The following KALRN variants were observed in gnomAD, a reference collection of about 807,000 sequenced individuals.
KALRN encodes the protein kalirin RhoGEF kinase.
In KALRN, 70 loss-of-function variants were observed where a neutral mutation model predicts 353.7. That is an observed-to-expected ratio of 0.20 (90% CI 0.16 to 0.24). The LOEUF (loss-of-function observed/expected upper bound fraction) is 0.24, where lower values mean the gene tolerates loss of function less well. KALRN is among the 10% of genes least tolerant of loss of function. KALRN has a pLI of 1.00. For missense variants in KALRN, 2,791 were observed against 3,756.7 expected (o/e 0.74, Z 6.72); for synonymous variants, 1,391 against 1,434.8 (o/e 0.97, Z 0.69).
chr3:124,240,390 T>C (rs1430796364), intron 3 of KALRN, among the ~76,000 whole-genome samples: 2 of 152,154 alleles, frequency 1.3e-5, no homozygotes, highest in African/African-American at 4.8e-5. Context: ...TTTATAAGGC[T>C]GTGGGCAGAG....
intron 1 of KALRN, among the ~76,000 whole-genome samples, chr3:124,101,730 C>A (rs1418772390): frequency 6.6e-6 from 1 of 152,130 alleles, no homozygotes; most frequent in African/African-American, 2.4e-5. Flanking sequence ...CTGACAGATA[C>A]CCTGTCTTTG....
At chr3:124,039,460 C>A (rs2039739235) in intron 1 of KALRN, among the ~76,000 whole-genome samples, 1 of 152,088 alleles carries the variant, frequency 6.6e-6, no homozygotes, top group Non-Finnish European at 1.5e-5. Flanking sequence ...TGTGATTAAT[C>A]AAAAAACACC....
intron 1 of KALRN, among the ~76,000 whole-genome samples, chr3:124,176,024 G>T (rs1245715052): frequency 1.3e-4 from 19 of 151,940 alleles, no homozygotes; most frequent in Non-Finnish European, 2.9e-5. Flanking sequence ...AGACCCAGTA[G>T]CCCCCCTTTA....
rs1357156757 is a variant in KALRN, at chr3:124,724,646, A to G, written c.*5176A>G. ...ATTCTAAAGGGTTAAAAAGGGCTGA[A>G]ATTTGTTTATAGCACTAAATGTTTT... On this transcript the variant is annotated 3_prime_UTR_variant, in exon 60 of 60. Coordinates refer to ENST00000682506, the MANE Select transcript of KALRN (RefSeq NM_001388419.1). The G allele has an allele frequency of 6.6e-6, 1 of 152,228 alleles. No homozygotes were observed. Among genetic ancestry groups the G allele is most frequent in the African/African-American group, 2.4e-5 (1 of 41,456 alleles). 9.4% of individuals were successfully genotyped at this position (152,228 alleles called of 1,614,324 possible). A position where few individuals can be genotyped will look rare whatever the true frequency, so the allele number is the denominator to read the frequency against.
chr3:124,512,970 A>G (rs150247225), intron 33 of KALRN, among the ~76,000 whole-genome samples: 135 of 152,308 alleles, frequency 8.9e-4, no homozygotes, highest in African/African-American at 3.1e-3. Context: ...CACCCTCTGC[A>G]TGAACCAAGG....
At chr3:124,238,696 C>G (rs1158013) in intron 3 of KALRN, among the ~76,000 whole-genome samples, 14,207 of 152,014 alleles carry the variant, frequency 0.093, 1,574 homozygotes, top group East Asian at 0.46. Context: ...AAGAGAACTT[C>G]TTTTTAGTCC....
At chr3:124,242,180 A>G (rs2080541304) in intron 3 of KALRN, among the ~76,000 whole-genome samples, 1 of 152,230 alleles carries the variant, frequency 6.6e-6, no homozygotes, top group Non-Finnish European at 1.5e-5. Context: ...AGAGAAGGCT[A>G]GGCAATGGGG....
intron 1 of KALRN, among the ~76,000 whole-genome samples, chr3:124,227,155 A>C (rs1036897079): frequency 6.6e-6 from 1 of 152,184 alleles, no homozygotes; most frequent in Non-Finnish European, 1.5e-5. Flanking sequence ...CTGTTCCTCC[A>C]GGCACATCTT....
intron 1 of KALRN, among the ~76,000 whole-genome samples, chr3:124,093,623 G>C (rs1444918583): frequency 2.0e-5 from 3 of 152,206 alleles, no homozygotes; most frequent in African/African-American, 7.2e-5. Flanking sequence ...CATTGTATCA[G>C]GGACTCAGAT....
intron 17 of KALRN, among the ~76,000 whole-genome samples, chr3:124,435,203 C>A (rs948591824): frequency 6.6e-6 from 1 of 152,190 alleles, no homozygotes; most frequent in African/African-American, 2.4e-5. Flanking sequence ...AGTTGCTGAA[C>A]AATAATTAAA....
At chr3:124,620,044 T>C (rs1243169476) in intron 34 of KALRN, among the ~76,000 whole-genome samples, 3 of 152,180 alleles carry the variant, frequency 2.0e-5, no homozygotes, top group Admixed American at 1.3e-4. Context: ...TTCTTCAGTC[T>C]GAATTTGTAA....
intron 1 of KALRN, among the ~76,000 whole-genome samples, chr3:124,175,722 G>A (rs1185986767): frequency 6.6e-6 from 1 of 152,164 alleles, no homozygotes; most frequent in Non-Finnish European, 1.5e-5. Flanking sequence ...CCAGGATGTG[G>A]AAGTGTGTAC....
At chr3:124,318,125 G>A (rs1209239451) in intron 6 of KALRN, among the ~76,000 whole-genome samples, 1 of 152,200 alleles carries the variant, frequency 6.6e-6, no homozygotes, top group African/African-American at 2.4e-5. Flanking sequence ...ATTGCTGGAG[G>A]AAACATTGCT....
intron 14 of KALRN, among the ~76,000 whole-genome samples, chr3:124,419,250 CAA>C (rs2092670021): frequency 6.6e-6 from 1 of 151,012 alleles, no homozygotes; most frequent in African/African-American, 2.4e-5. Flanking sequence ...CATCAGCAAT[CAA>C]AAGTGTATTC....
chr3:124,273,889 A>G (rs2074428763), intron 5 of KALRN, among the ~76,000 whole-genome samples: 3 of 152,182 alleles, frequency 2.0e-5, no homozygotes, highest in South Asian at 2.1e-4. Context: ...GTCACCACTC[A>G]TTGGCCTGGT....
rs775218572 is a variant in KALRN, at chr3:124,667,178, T to G, written c.6698T>G (p.Leu2233Trp). The G allele has an allele frequency of 6.2e-7, 1 of 1,613,650 alleles. No homozygotes were observed. The highest frequency in any genetic ancestry group is 8.5e-7 in the Non-Finnish European group (1 of 1,179,668). ...GTCTTAGAAACACAGCGAGACTTTT[T>G]GAATGGTGGGTGCTGGGCTTGGTTC... is the stretch of plus-strand genomic sequence containing the variant. ...NQVLETQRDF[L>W]NALQSPIEYQ... The change falls in exon 47 of 60, where the codon TTG (leucine) becomes TGG (tryptophan). Residue 2233 changes from leucine (L) to tryptophan (W), a missense_variant. By Grantham distance (61) the Leu-to-Trp change is moderately conservative. This residue lies in a region of KALRN where 1,065 missense variants were observed against 1,156.4 expected (regional missense o/e 0.92). Coordinates refer to ENST00000682506, the MANE Select transcript of KALRN (RefSeq NM_001388419.1).
chr3:124,066,107 T>G (rs1351391294), intron 1 of KALRN, among the ~76,000 whole-genome samples: 3 of 152,098 alleles, frequency 2.0e-5, no homozygotes, highest in African/African-American at 7.2e-5. Flanking sequence ...CCAGAAGAGA[T>G]ATTGAGTCAT....
intron 33 of KALRN, among the ~76,000 whole-genome samples, chr3:124,561,984 A>C (rs1157678189): frequency 6.6e-6 from 1 of 152,232 alleles, no homozygotes; most frequent in Non-Finnish European, 1.5e-5. Context: ...GCATTCAGCC[A>C]GTAGGGGTTG....
chr3:124,213,923 G>T (rs1013334834), intron 1 of KALRN, among the ~76,000 whole-genome samples: 2 of 152,198 alleles, frequency 1.3e-5, no homozygotes, highest in South Asian at 4.2e-4. Context: ...AATGCTATTT[G>T]ACTTGTTATC....
Sources: gnomAD v4.1 joint callset for allele counts (sites outside exome capture counted in the v4.1 genomes callset) on GRCh38, gnomAD v4.1.1 for gene constraint, gnomAD v4.1.1 regional missense constraint, MANE v1.5 for transcripts, NCBI Gene and HGNC (gene_info 2026-07-23, HGNC 2026-07-21) for gene names.